Variants in KSR2 observed in about 807,000 individuals in gnomAD.
The protein encoded by KSR2 is kinase suppressor of ras 2.
A neutral mutation model predicts 107.8 loss-of-function variants in KSR2; 25 were observed. The observed-to-expected ratio is 0.23, with a 90% confidence interval of 0.17 to 0.32. The LOEUF is 0.32. Ranked by LOEUF, KSR2 falls within the 10% of genes least tolerant of loss-of-function variation. KSR2 has a pLI of 1.00. For missense variants in KSR2, 887 were observed against 1,268.9 expected, an observed-to-expected ratio of 0.70 and a Z score of 4.57; for synonymous variants, 480 against 507.0, an observed-to-expected ratio of 0.95 and a Z score of 0.71.
chr12:117,818,108 T>TA (rs58438814), intron 3 of KSR2, among the ~76,000 whole-genome samples: 11,346 of 145,092 alleles, frequency 0.078, 467 homozygotes, highest in East Asian at 0.11. Flanking sequence ...TTCAAAAAAA[T>TA]AAAAAAAAAA....
chr12:117,604,881 G>C (rs1881144513), intron 5 of KSR2, among the ~76,000 whole-genome samples: 1 of 152,160 alleles, frequency 6.6e-6, no homozygotes, highest in South Asian at 2.1e-4. Context: ...GGCCAAGCAA[G>C]AATGAGGGTC....
In KSR2 at chr12:117,763,615, C is replaced by A. The variant is rs969043895; in HGVS notation, c.473-2091G>T. Among the ~76,000 whole-genome samples, 7 of 152,242 alleles carry A rather than the reference C, an allele frequency of 4.6e-5. No homozygotes were observed. The East Asian group carries it at 9.7e-4, about 21-fold the overall frequency. On this transcript the variant is annotated intron_variant, in intron 3 of 19. Coordinates refer to ENST00000339824, the MANE Select transcript of KSR2 (RefSeq NM_173598.6). Reference sequence around the variant, plus strand: ...TGTGTGATGACAATGGGGTGACACTCAAGGAGAGGCTGAAGGGACAGGTGA... The same window carrying A: ...TGTGTGATGACAATGGGGTGACACTAAAGGAGAGGCTGAAGGGACAGGTGA...
In KSR2 at chr12:117,642,766, C is replaced by T. The variant is rs558262761; in HGVS notation, c.1171+24708G>A. 2.6e-5 allele frequency among the ~76,000 whole-genome samples: 4 copies of T among 152,268 alleles called. No individual in the cohort carries two copies. In the East Asian group the frequency reaches 7.7e-4, roughly 29 times the overall value. ...ATTAGAAGTTTGGGGAAAATACTTT[C>T]CTTTCTAGAGCCTTGATTTTCCCAT... On this transcript the variant is annotated intron_variant, in intron 5 of 19. Transcript: ENST00000339824.
chr12:117,638,706 G>T (rs967921566), intron 5 of KSR2, among the ~76,000 whole-genome samples: 1 of 151,998 alleles, frequency 6.6e-6, no homozygotes, highest in Non-Finnish European at 1.5e-5. Flanking sequence ...AAGGTAATCA[G>T]GAAATGCACA....
Position 117,968,306 on chromosome 12 carries a change from G to GGTC in KSR2, c.-52_-51insGAC. The GGTC allele has an allele frequency of 9.2e-7, 1 of 1,092,634 alleles. No homozygotes were observed. The highest frequency in any genetic ancestry group is 1.9e-5 in the South Asian group (1 of 52,938). 67.7% of individuals were successfully genotyped at this position (1,092,634 alleles called of 1,614,324 possible). ...TCCTCCTCCTCCCAGAGAGAAAAAA[G>GGTC]AGGGGGGGGAGTAGAGGTAGTCTAC... On this transcript the variant is annotated 5_prime_UTR_variant, in exon 1 of 20. Coordinates refer to ENST00000339824, the MANE Select transcript of KSR2 (RefSeq NM_173598.6).
In KSR2 at chr12:117,558,491, G is replaced by C; in HGVS notation, c.1393+15C>G. On this transcript the variant is annotated intron_variant, in intron 8 of 19. Coordinates refer to ENST00000339824, the MANE Select transcript of KSR2 (RefSeq NM_173598.6). ...CTCACCCCTGCCCCTAGGGCAGTAA[G>C]TGTTAAATAGTTACCTCCTCGGTGG... 1 of 1,612,336 alleles carries C rather than the reference G, an allele frequency of 6.2e-7. No homozygotes were observed.
intron 5 of KSR2, among the ~76,000 whole-genome samples, chr12:117,583,405 G>GTGGA (rs369518226): frequency 0.011 from 1,415 of 127,132 alleles, 14 homozygotes; most frequent in Non-Finnish European, 0.014. Context: ...GGGTGAGTGA[G>GTGGA]TGGATGGATG....
chr12:117,558,905 G>T (rs1204606367), intron 7 of KSR2, among the ~76,000 whole-genome samples: 1 of 151,962 alleles, frequency 6.6e-6, no homozygotes, highest in Non-Finnish European at 1.5e-5. Context: ...TGGACGGGTG[G>T]GTGGATGAGT....
intron 5 of KSR2, among the ~76,000 whole-genome samples, chr12:117,648,420 G>A (rs1457648555): frequency 6.6e-6 from 1 of 152,188 alleles, no homozygotes; most frequent in Non-Finnish European, 1.5e-5. Flanking sequence ...TGGATTCACT[G>A]AGTAACCATT....
chr12:117,921,921 T>C (rs1368741636), intron 1 of KSR2, among the ~76,000 whole-genome samples: 2 of 152,172 alleles, frequency 1.3e-5, no homozygotes, highest in Non-Finnish European at 2.9e-5. Flanking sequence ...CTTACATATA[T>C]AAATGCAAAT....
chr12:117,740,468 T>C (rs1025228912), intron 4 of KSR2, among the ~76,000 whole-genome samples: 1 of 118,988 alleles, frequency 8.4e-6, no homozygotes, highest in Non-Finnish European at 1.8e-5. Context: ...ATATATTATA[T>C]GTAATATATA....
At chr12:117,479,976 G>C (rs905217554) in intron 16 of KSR2, among the ~76,000 whole-genome samples, 1 of 152,140 alleles carries the variant, frequency 6.6e-6, no homozygotes, top group Non-Finnish European at 1.5e-5. Flanking sequence ...GCACAGGACT[G>C]TGTCAGCTGC....
intron 3 of KSR2, among the ~76,000 whole-genome samples, chr12:117,807,384 T>G (rs1238948142): frequency 6.6e-6 from 1 of 152,214 alleles, no homozygotes; most frequent in African/African-American, 2.4e-5. Context: ...ACTGTCACTT[T>G]CGAAGGTTTC....
intron 3 of KSR2, 53 bp downstream of exon 3, chr12:117,855,375 G>C: frequency 6.2e-7 from 1 of 1,606,806 alleles, no homozygotes; most frequent in Non-Finnish European, 8.5e-7. Flanking sequence ...GAGGGACCGC[G>C]GCAGCTGTGC....
chr12:117,655,481 C>T (rs375074460), intron 5 of KSR2, among the ~76,000 whole-genome samples: 1 of 152,158 alleles, frequency 6.6e-6, no homozygotes, highest in South Asian at 2.1e-4. Flanking sequence ...TGCTCTGAAT[C>T]GGCATCCAAT....
At chr12:117,751,773 C>T (rs1888621798) in intron 4 of KSR2, among the ~76,000 whole-genome samples, 1 of 152,182 alleles carries the variant, frequency 6.6e-6, no homozygotes, top group Non-Finnish European at 1.5e-5. Context: ...AGAATGGCCC[C>T]TGAGGATCCA....
chr12:117,886,582 G>A (rs192086258), intron 1 of KSR2, among the ~76,000 whole-genome samples: 1 of 151,980 alleles, frequency 6.6e-6, no homozygotes, highest in East Asian at 1.9e-4. Context: ...GCCATCTAAC[G>A]CTTGTGTAAG....
intron 5 of KSR2, among the ~76,000 whole-genome samples, chr12:117,643,304 G>T (rs763586817): frequency 1.1e-4 from 17 of 152,060 alleles, no homozygotes; most frequent in African/African-American, 1.7e-4. Context: ...AAAATTAGCC[G>T]GGCATGGTGG....
At chr12:117,881,934 G>C (rs1894039732) in intron 1 of KSR2, among the ~76,000 whole-genome samples, 1 of 152,202 alleles carries the variant, frequency 6.6e-6, no homozygotes, top group Non-Finnish European at 1.5e-5. Flanking sequence ...CACACACCCA[G>C]TACCAAAGTC....
Sources: gnomAD v4.1 joint callset for allele counts (sites outside exome capture counted in the v4.1 genomes callset) on GRCh38, gnomAD v4.1.1 for gene constraint, MANE v1.5 for transcripts, NCBI Gene and HGNC (gene_info 2026-07-23, HGNC 2026-07-21) for gene names.